BABAM2: variants seen among roughly 807,000 people sequenced by gnomAD.
The protein encoded by BABAM2 is BRISC and BRCA1 A complex member 2.
A neutral mutation model predicts 54.7 loss-of-function variants in BABAM2; 31 were observed. That is an observed-to-expected ratio of 0.57 (90% CI 0.43 to 0.77). BABAM2 has a LOEUF of 0.77. BABAM2 is among the 30% of genes least tolerant of loss of function. BABAM2 has a pLI of 0.00. For missense variants in BABAM2, 364 were observed against 455.8 expected (o/e 0.80, Z 1.83); for synonymous variants, 167 against 162.9 (o/e 1.03, Z -0.19).
intron 4 of BABAM2, chr2:28,016,262 T>G: frequency 2.2e-6 from 2 of 896,582 alleles, no homozygotes; most frequent in South Asian, 2.8e-5. Context: ...CCTGTGTTTT[T>G]CTAGTTCTTT....
chr2:27,901,393 A>C (rs1205983117), intron 2 of BABAM2, among the ~76,000 whole-genome samples: 2 of 152,194 alleles, frequency 1.3e-5, no homozygotes, highest in Admixed American at 6.5e-5. Context: ...TTTTTTCAGC[A>C]TATTGCAGTG....
chr2:28,044,093 T>C (rs1264982191), intron 5 of BABAM2, among the ~76,000 whole-genome samples: 1 of 152,160 alleles, frequency 6.6e-6, no homozygotes, highest in African/African-American at 2.4e-5. Flanking sequence ...CAGAGATTGG[T>C]GTAAGTTAAA....
At chr2:28,062,265 A>C (rs1418195329) in intron 6 of BABAM2, among the ~76,000 whole-genome samples, 2 of 151,374 alleles carry the variant, frequency 1.3e-5, no homozygotes, top group Admixed American at 1.3e-4. Context: ...CTCAAAAAAA[A>C]AAAAAAAACA....
In BABAM2 at chr2:28,020,952, GACACACACAC is replaced by G. The variant is rs57086132; in HGVS notation, c.301-4244_301-4235del. ...CATTTCTAAGACTCTCTGTCTCTCTGACACACACACACACACACACACACACACACACACA... is the reference window on the plus strand; with the variant it reads ...CATTTCTAAGACTCTCTGTCTCTCTGACACACACACACACACACACACACA... On this transcript the variant is annotated intron_variant, in intron 4 of 11. Coordinates refer to ENST00000379624, the MANE Select transcript of BABAM2 (RefSeq NM_199191.3). Among the ~76,000 whole-genome samples the G allele has an allele frequency of 1.2e-3, 172 of 144,518 alleles. 1 individual carries two copies. Among genetic ancestry groups the G allele is most frequent in the Middle Eastern group, 3.5e-3 (1 of 288 alleles). 94.8% of individuals were successfully genotyped at this position (144,518 alleles called of 152,430 possible). A position where few individuals can be genotyped will look rare whatever the true frequency, so the allele number is the denominator to read the frequency against.
intron 6 of BABAM2, among the ~76,000 whole-genome samples, chr2:28,087,103 C>G (rs1665714963): frequency 6.6e-6 from 1 of 152,156 alleles, no homozygotes. Context: ...ATTGAGAGAT[C>G]TTCAAATGCC....
chr2:28,053,715 A>G (rs1678171996), intron 6 of BABAM2, among the ~76,000 whole-genome samples: 1 of 152,090 alleles, frequency 6.6e-6, no homozygotes, highest in Non-Finnish European at 1.5e-5. Context: ...CTTAGGGAAA[A>G]ATACACTCTA....
At chr2:27,922,941 T>A (rs1667440723) in intron 2 of BABAM2, among the ~76,000 whole-genome samples, 1 of 152,192 alleles carries the variant, frequency 6.6e-6, no homozygotes, top group Non-Finnish European at 1.5e-5. Flanking sequence ...ATGTAGCCAG[T>A]AGCTTTTTCT....
intron 2 of BABAM2, among the ~76,000 whole-genome samples, chr2:27,909,468 C>G (rs912617523): frequency 6.6e-6 from 1 of 152,108 alleles, no homozygotes; most frequent in Non-Finnish European, 1.5e-5. Context: ...AGTTCCGTCT[C>G]AGATAGATGT....
intron 7 of BABAM2, among the ~76,000 whole-genome samples, chr2:28,160,898 G>A (rs535817210): frequency 6.6e-6 from 1 of 152,216 alleles, no homozygotes; most frequent in East Asian, 1.9e-4. Flanking sequence ...TTGTCAGAAA[G>A]TACATGGAAG....
At chr2:27,999,939 G>A (rs1673464759) in intron 4 of BABAM2, among the ~76,000 whole-genome samples, 1 of 152,078 alleles carries the variant, frequency 6.6e-6, no homozygotes, top group Non-Finnish European at 1.5e-5. Context: ...TGGTATACAG[G>A]ATCTTCTGAG....
chr2:28,194,809 C>T (rs559024097), intron 7 of BABAM2, among the ~76,000 whole-genome samples: 3 of 152,254 alleles, frequency 2.0e-5, no homozygotes, highest in South Asian at 4.1e-4. Context: ...ATCCGCCTGT[C>T]TCGGCCTCCC....
intron 3 of BABAM2, among the ~76,000 whole-genome samples, chr2:27,933,630 G>A (rs1386592449): frequency 1.3e-5 from 2 of 151,738 alleles, no homozygotes; most frequent in Non-Finnish European, 2.9e-5. Context: ...CACCACGCCC[G>A]GATAATTTTT....
intron 7 of BABAM2, among the ~76,000 whole-genome samples, chr2:28,236,889 A>G: frequency 6.6e-6 from 1 of 152,202 alleles, no homozygotes; most frequent in East Asian, 1.9e-4. Flanking sequence ...GGGCATAATG[A>G]AGAGTATAAA....
chr2:27,908,008 G>A (rs1359323324), intron 2 of BABAM2, among the ~76,000 whole-genome samples: 1 of 152,118 alleles, frequency 6.6e-6, no homozygotes, highest in African/African-American at 2.4e-5. Context: ...TAAAGTCCCT[G>A]TTTTCAGTTT....
At chr2:28,154,962 T>C (rs1175368503) in intron 7 of BABAM2, among the ~76,000 whole-genome samples, 1 of 152,240 alleles carries the variant, frequency 6.6e-6, no homozygotes, top group Non-Finnish European at 1.5e-5. Context: ...TCCGTGCTAT[T>C]CCTACCTTTT....
intron 10 of BABAM2, among the ~76,000 whole-genome samples, chr2:28,282,678 T>A (rs1458541036): frequency 6.6e-6 from 1 of 152,144 alleles, no homozygotes; most frequent in Non-Finnish European, 1.5e-5. Context: ...CAATAAATGC[T>A]GATTTTCCTC....
intron 7 of BABAM2, among the ~76,000 whole-genome samples, chr2:28,130,613 TAA>T (rs376253993): frequency 7.3e-4 from 111 of 152,128 alleles, no homozygotes; most frequent in African/African-American, 2.6e-3. Context: ...CATGCATGCC[TAA>T]TGTTTTTATT....
chr2:28,251,223 T>G lies in BABAM2; in HGVS notation c.934+6361T>G, dbSNP rs187417599. ...TAAAAGGAAAGCAATTATTTTGTTT[T>G]TCAGAGAACACAGTTTCTGGTAAGA... On this transcript the variant is annotated intron_variant, in intron 10 of 11. Coordinates refer to ENST00000379624, the MANE Select transcript of BABAM2 (RefSeq NM_199191.3). Among the ~76,000 whole-genome samples the G allele has an allele frequency of 2.4e-3, 363 of 152,338 alleles. 2 individuals are homozygous for G. The highest frequency in any genetic ancestry group is 4.0e-3 in the Non-Finnish European group (271 of 68,028).
chr2:28,145,383 A>C (rs1204225316), intron 7 of BABAM2, among the ~76,000 whole-genome samples: 2 of 151,982 alleles, frequency 1.3e-5, no homozygotes, highest in Non-Finnish European at 2.9e-5. Context: ...CTCTTTCCTG[A>C]CTTTCACTGC....
Sources: gnomAD v4.1 joint callset for allele counts (sites outside exome capture counted in the v4.1 genomes callset) on GRCh38, gnomAD v4.1.1 for gene constraint, MANE v1.5 for transcripts, NCBI Gene and HGNC (gene_info 2026-07-23, HGNC 2026-07-21) for gene names.